The following ADAMTS17 variants were observed in gnomAD, a reference collection of about 807,000 sequenced individuals.
ADAMTS17 encodes A disintegrin and metalloproteinase with thrombospondin motifs 17.
ADAMTS17 carries 113 observed loss-of-function variants against 141.5 expected under a neutral mutation model. That is an observed-to-expected ratio of 0.80 (90% CI 0.69 to 0.93). The LOEUF is 0.93. Among genes scored for constraint, ADAMTS17 ranks in the 40% least tolerant of loss-of-function variants. ADAMTS17 has a pLI of 0.00. For missense variants in ADAMTS17, 1,659 were observed against 1,517.9 expected (o/e 1.09, Z -1.54); for synonymous variants, 768 against 630.6 (o/e 1.22, Z -3.27).
intron 13 of ADAMTS17, among the ~76,000 whole-genome samples, chr15:100,110,976 G>T (rs868682541): frequency 6.6e-6 from 1 of 152,208 alleles, no homozygotes; most frequent in African/African-American, 2.4e-5. Context: ...AGGCTCCACA[G>T]GAAATCTTGT....
chr15:100,209,255 G>C (rs935079572), intron 7 of ADAMTS17, among the ~76,000 whole-genome samples: 1 of 151,934 alleles, frequency 6.6e-6, no homozygotes, highest in Admixed American at 6.6e-5. Context: ...TCGGGACAAG[G>C]GTAAGCTCTT....
intron 4 of ADAMTS17, among the ~76,000 whole-genome samples, chr15:100,277,279 G>A (rs961893610): frequency 6.6e-6 from 1 of 152,058 alleles, no homozygotes; most frequent in East Asian, 1.9e-4. Flanking sequence ...CTGAAGAGGG[G>A]TGCAGGGTGT....
At chr15:100,282,643 A>C (rs984738831) in intron 3 of ADAMTS17, among the ~76,000 whole-genome samples, 1 of 152,268 alleles carries the variant, frequency 6.6e-6, no homozygotes, top group Non-Finnish European at 1.5e-5. Context: ...GAAACTACGG[A>C]AAGTGAAACC....
At chr15:100,321,466 C>G (rs1466050415) in intron 3 of ADAMTS17, among the ~76,000 whole-genome samples, 1 of 152,198 alleles carries the variant, frequency 6.6e-6, no homozygotes, top group Non-Finnish European at 1.5e-5. Flanking sequence ...AACATACGTA[C>G]ATCATCATGA....
intron 19 of ADAMTS17, among the ~76,000 whole-genome samples, chr15:99,996,409 A>T (rs2060803122): frequency 6.6e-6 from 1 of 152,326 alleles, no homozygotes; most frequent in East Asian, 1.9e-4. Flanking sequence ...GCCAAAAAAA[A>T]TCCCTCTAAT....
intron 15 of ADAMTS17, among the ~76,000 whole-genome samples, chr15:100,074,810 C>G (rs2034253105): frequency 6.6e-6 from 1 of 151,998 alleles, no homozygotes; most frequent in South Asian, 2.1e-4. Context: ...GAAATTTTTT[C>G]AATCATTCAT....
At chr15:100,283,782 C>T (rs148258894) in intron 3 of ADAMTS17, among the ~76,000 whole-genome samples, 12 of 152,156 alleles carry the variant, frequency 7.9e-5, no homozygotes, top group African/African-American at 2.9e-4. Flanking sequence ...ACCAGAGGGA[C>T]AGGTTGTTCC....
chr15:100,292,477 C>A (rs987898164), intron 3 of ADAMTS17, among the ~76,000 whole-genome samples: 11 of 151,206 alleles, frequency 7.3e-5, no homozygotes, highest in Non-Finnish European at 1.0e-4. Context: ...AGATACTCAC[C>A]CCGTGTGAAA....
intron 3 of ADAMTS17, among the ~76,000 whole-genome samples, chr15:100,282,735 A>G (rs1450311586): frequency 2.1e-5 from 3 of 139,666 alleles, no homozygotes; most frequent in Non-Finnish European, 3.1e-5. Context: ...TATACAACAC[A>G]ATTACAATCA....
intron 8 of ADAMTS17, among the ~76,000 whole-genome samples, chr15:100,170,808 T>C (rs534608157): frequency 6.6e-6 from 1 of 152,234 alleles, no homozygotes; most frequent in Non-Finnish European, 1.5e-5. Flanking sequence ...GAAGCTGAGA[T>C]TGAATAAGCT....
chr15:100,080,396 A>AG (rs1254329819), intron 15 of ADAMTS17, among the ~76,000 whole-genome samples: 2 of 150,684 alleles, frequency 1.3e-5, no homozygotes, highest in African/African-American at 2.5e-5. Context: ...GAGGTAAGGA[A>AG]GAGTATGCAT....
chr15:100,306,822 G>C (rs1253501875), intron 3 of ADAMTS17, among the ~76,000 whole-genome samples: 2 of 152,146 alleles, frequency 1.3e-5, no homozygotes, highest in Admixed American at 1.3e-4. Flanking sequence ...TGAAATACCT[G>C]AGCCAACCCA....
chr15:99,998,389 G>A (rs192504183), intron 18 of ADAMTS17, among the ~76,000 whole-genome samples: 1 of 152,246 alleles, frequency 6.6e-6, no homozygotes, highest in East Asian at 1.9e-4. Context: ...GATCACTTGA[G>A]GTCAGGAGAT....
intron 6 of ADAMTS17, among the ~76,000 whole-genome samples, chr15:100,256,025 C>A (rs1240671054): frequency 1.3e-5 from 2 of 152,232 alleles, no homozygotes; most frequent in African/African-American, 2.4e-5. Flanking sequence ...CCTTCCTGTT[C>A]AAGGTCCTTT....
In ADAMTS17 at chr15:99,976,159, C is replaced by T. The variant is rs1457118344; in HGVS notation, c.3013G>A (p.Gly1005Arg). 1 of 1,550,704 alleles carries T rather than the reference C, an allele frequency of 6.4e-7. No individual in the cohort carries two copies. Among genetic ancestry groups the T allele is most frequent in the Non-Finnish European group, 8.7e-7 (1 of 1,146,990 alleles). ...RVVQCMHKVT[G>R]RHGSECPALS... is the part of the protein sequence containing the mutation. ...GCGGGGCACTCGCTGCCGTGGCGCC[C>T]TGTGACCTTGTGCATGCACTGCACC... Residue 1005 changes from glycine (G) to arginine (R), a missense_variant, in exon 21 of 22, where the codon GGG (glycine) becomes AGG (arginine). Transcript: ENST00000268070.
At chr15:100,116,131 G>GAAAAAAAA in intron 13 of ADAMTS17, among the ~76,000 whole-genome samples, 1 of 80,102 alleles carries the variant, frequency 1.2e-5, no homozygotes, top group South Asian at 4.6e-4. Context: ...ACAGTTTTAG[G>GAAAAAAAA]TAAAAAAAAA....
intron 7 of ADAMTS17, among the ~76,000 whole-genome samples, chr15:100,224,715 G>C (rs2042243382): frequency 6.6e-6 from 1 of 152,174 alleles, no homozygotes; most frequent in Admixed American, 6.5e-5. Flanking sequence ...CAGAGACACA[G>C]AACACTCTTT....
At chr15:100,238,387 G>C (rs115259664) in intron 7 of ADAMTS17, among the ~76,000 whole-genome samples, 2,113 of 152,274 alleles carry the variant, frequency 0.014, 49 homozygotes, top group African/African-American at 0.047. Context: ...CCCCACAAGA[G>C]CAACGGCCTT....
rs548678041 is a variant in ADAMTS17 at position 100,329,694 on chromosome 15, T to C, written c.616+1195A>G. Among the ~76,000 whole-genome samples the C allele has an allele frequency of 2.6e-5, 4 of 152,318 alleles. No individual in the cohort carries two copies. In the South Asian group the frequency reaches 8.3e-4, roughly 32 times the overall value. Reference sequence around the variant, plus strand: ...AACAGAAAAACCCTAATGTCTCCATTTGAGACTCAAAGCTCTCTTGAGGTT... The same window carrying C: ...AACAGAAAAACCCTAATGTCTCCATCTGAGACTCAAAGCTCTCTTGAGGTT... On this transcript the variant is annotated intron_variant, in intron 3 of 21. Transcript: ENST00000268070.
Sources: allele counts gnomAD v4.1 joint callset (sites outside exome capture counted in the v4.1 genomes callset), GRCh38; gene constraint gnomAD v4.1.1; transcripts MANE v1.5; gene names NCBI Gene and HGNC (gene_info 2026-07-23, HGNC 2026-07-21).